FBXO34: variants seen among roughly 807,000 people sequenced by gnomAD.
FBXO34 encodes the protein F-box only protein 34.
In FBXO34, 12 loss-of-function variants were observed where a neutral mutation model predicts 24.5. The observed-to-expected ratio is 0.49, with a 90% confidence interval of 0.31 to 0.79. FBXO34 has a LOEUF of 0.79. FBXO34 is among the 30% of genes least tolerant of loss of function. The pLI is 0.04. For synonymous variants in FBXO34, 320 were observed against 311.9 expected, an observed-to-expected ratio of 1.03 and a Z score of -0.27; for missense variants, 823 against 857.7, an observed-to-expected ratio of 0.96 and a Z score of 0.51.
chr14:55,278,893 C>T (rs115282305), intron 1 of FBXO34, among the ~76,000 whole-genome samples: 2,991 of 152,260 alleles, frequency 0.02, 76 homozygotes, highest in African/African-American at 0.068. Flanking sequence ...CGCCATGTTG[C>T]CCAGGCTAGT....
downstream of FBXO34, among the ~76,000 whole-genome samples, chr14:55,365,747 C>T (rs544308129): frequency 5.0e-4 from 76 of 152,268 alleles, no homozygotes; most frequent in African/African-American, 1.5e-3. Context: ...TTGCCTATTT[C>T]CTCCTGTTGC....
rs188687178 is a variant in FBXO34 at position 55,273,461 on chromosome 14, T to G, written c.-11+1924T>G. Reference sequence around the variant, plus strand: ...AAAGTTGTTCTGGTTTTTTCTTCCTTCTTTTAAGAAATGAGGAATTTTATG... The same window carrying G: ...AAAGTTGTTCTGGTTTTTTCTTCCTGCTTTTAAGAAATGAGGAATTTTATG... On this transcript the variant is annotated intron_variant, in intron 1 of 1. Transcript: ENST00000313833. Among the ~76,000 whole-genome samples, 380 of 152,332 alleles carry G rather than the reference T, an allele frequency of 2.5e-3. 3 individuals carry two copies. Among genetic ancestry groups the G allele is most frequent in the Admixed American group, 6.4e-3 (98 of 15,304 alleles).
intron 1 of FBXO34, among the ~76,000 whole-genome samples, chr14:55,332,878 G>C (rs1421798210): frequency 6.6e-6 from 1 of 152,202 alleles, no homozygotes; most frequent in African/African-American, 2.4e-5. Flanking sequence ...GTGGTGACAT[G>C]AGAGCCACTA....
chr14:55,370,209 T>C (rs375119329), downstream of FBXO34, among the ~76,000 whole-genome samples: 5 of 152,228 alleles, frequency 3.3e-5, no homozygotes, highest in East Asian at 1.9e-4. Context: ...TTCACTGAGA[T>C]GGCCCATGCT....
At chr14:55,345,690 G>A (rs1006251795) in intron 1 of FBXO34, among the ~76,000 whole-genome samples, 5 of 152,164 alleles carry the variant, frequency 3.3e-5, no homozygotes, top group African/African-American at 1.2e-4. Context: ...GCCCAGAGCG[G>A]TTAGGACATT....
At chr14:55,429,549 A>C in the FBXO34 span, among the ~76,000 whole-genome samples, 1 of 152,222 alleles carries the variant, frequency 6.6e-6, no homozygotes, top group Non-Finnish European at 1.5e-5. Context: ...AGCTCACCTG[A>C]GGACAGTAGC....
chr14:55,288,888 T>C (rs1050731641), intron 1 of FBXO34, among the ~76,000 whole-genome samples: 1 of 152,080 alleles, frequency 6.6e-6, no homozygotes, highest in African/African-American at 2.4e-5. Context: ...CCATCTTTAC[T>C]AAAAACACAA....
At chr14:55,365,043 A>G (rs1594772497), downstream of FBXO34, among the ~76,000 whole-genome samples, 1 of 139,078 alleles carries the variant, frequency 7.2e-6, no homozygotes, top group African/African-American at 2.7e-5. Context: ...ATGTGGTGAA[A>G]CCCCATCTCT....
chr14:55,428,936 C>T, the FBXO34 span: 12 of 1,614,156 alleles, frequency 7.4e-6, no homozygotes, highest in South Asian at 3.3e-5. Flanking sequence ...CTGCACCACA[C>T]GAGCATATTT....
At chr14:55,348,212 T>G (rs1242021270) in intron 1 of FBXO34, among the ~76,000 whole-genome samples, 1 of 152,118 alleles carries the variant, frequency 6.6e-6, no homozygotes, top group Non-Finnish European at 1.5e-5. Flanking sequence ...TGGTTGGGTT[T>G]GTTTGGTTGG....
downstream of FBXO34, among the ~76,000 whole-genome samples, chr14:55,362,071 C>A (rs1409772929): frequency 6.6e-6 from 1 of 152,204 alleles, no homozygotes; most frequent in African/African-American, 2.4e-5. Flanking sequence ...GCCTTCCTTA[C>A]TAAGCTTAAT....
the FBXO34 span, among the ~76,000 whole-genome samples, chr14:55,385,533 TTCGCCTGCC>T: frequency 3.9e-5 from 6 of 152,346 alleles, no homozygotes; most frequent in East Asian, 1.2e-3. Flanking sequence ...CCTCAGGTGA[TTCGCCTGCC>T]TCGGCCTCCC....
intron 1 of FBXO34, among the ~76,000 whole-genome samples, chr14:55,337,974 C>T (rs768418572): frequency 6.6e-6 from 1 of 151,538 alleles, no homozygotes; most frequent in Non-Finnish European, 1.5e-5. Context: ...GCTTCCTGTG[C>T]GAACTTAGCA....
the FBXO34 span, chr14:55,411,552 C>G: frequency 2.6e-6 from 4 of 1,542,128 alleles, no homozygotes; most frequent in African/African-American, 5.5e-5. Flanking sequence ...GGCTGCCTGG[C>G]TGGAGGACAC....
At chr14:55,294,323 C>G (rs1201676646) in intron 1 of FBXO34, among the ~76,000 whole-genome samples, 1 of 151,906 alleles carries the variant, frequency 6.6e-6, no homozygotes, top group Non-Finnish European at 1.5e-5. Context: ...GAGACAGGAT[C>G]TGGCTCTGTC....
the FBXO34 span, among the ~76,000 whole-genome samples, chr14:55,433,947 T>C: frequency 0.24 from 35,831 of 152,098 alleles, 7,265 homozygotes; most frequent in African/African-American, 0.56. Context: ...ATGCCTGTTA[T>C]GTTTCAGTTC....
In FBXO34 at chr14:55,271,441, G is replaced by C. The variant is rs1881138714; in HGVS notation, c.-107G>C. ...TGGGTGCTCGGTCCGACTCAGCGGT[G>C]GGGAGTGAGCCAGGCCTCCCGCCAC... is the stretch of plus-strand genomic sequence containing the variant. On this transcript the variant is annotated 5_prime_UTR_variant, in exon 1 of 2. Coordinates refer to ENST00000313833, the MANE Select transcript of FBXO34 (RefSeq NM_017943.4). The C allele has an allele frequency of 6.6e-6, 1 of 152,138 alleles. No homozygotes were observed. Among genetic ancestry groups the C allele is most frequent in the Non-Finnish European group, 1.5e-5 (1 of 68,082 alleles). 9.4% of individuals were successfully genotyped at this position (152,138 alleles called of 1,614,324 possible).
intron 1 of FBXO34, among the ~76,000 whole-genome samples, chr14:55,342,857 T>C (rs144516629): frequency 1.6e-4 from 25 of 152,374 alleles, no homozygotes; most frequent in Admixed American, 1.6e-3. Context: ...TATTTAATTT[T>C]ATTTGCGTCA....
chr14:55,325,449 C>G (rs376543720), intron 1 of FBXO34, among the ~76,000 whole-genome samples: 1 of 151,818 alleles, frequency 6.6e-6, no homozygotes, highest in East Asian at 1.9e-4. Flanking sequence ...CTTTGGTCCT[C>G]TTATTCCCTT....
Sources: gnomAD v4.1 joint callset for allele counts (sites outside exome capture counted in the v4.1 genomes callset) on GRCh38, gnomAD v4.1.1 for gene constraint, MANE v1.5 for transcripts, NCBI Gene and HGNC (gene_info 2026-07-23, HGNC 2026-07-21) for gene names.